The following MTHFD2L variants were observed in gnomAD, a reference collection of about 807,000 sequenced individuals.
MTHFD2L encodes methylenetetrahydrofolate dehydrogenase (NADP+ dependent) 2 like.
A neutral mutation model predicts 34.9 loss-of-function variants in MTHFD2L; 29 were observed. The ratio of observed to expected loss-of-function variants is 0.83; its 90% CI spans 0.62 to 1.13. The LOEUF (loss-of-function observed/expected upper bound fraction) is 1.13, where lower values mean the gene tolerates loss of function less well. MTHFD2L is among the 50% of genes most tolerant of loss of function. The pLI is 0.00. For synonymous variants in MTHFD2L, 167 were observed against 155.7 expected (o/e 1.07, Z -0.54); for missense variants, 481 against 446.5 (o/e 1.08, Z -0.70).
At chr4:74,247,380 CTGAGACAA>C (rs1374052725) in intron 6 of MTHFD2L, among the ~76,000 whole-genome samples, 5 of 151,362 alleles carry the variant, frequency 3.3e-5, no homozygotes, top group Non-Finnish European at 5.9e-5. Context: ...AGATTTTGGG[CTGAGACAA>C]TGGGGTTTTC....
At chr4:74,219,029 T>A (rs1404334454) in intron 5 of MTHFD2L, among the ~76,000 whole-genome samples, 1 of 152,064 alleles carries the variant, frequency 6.6e-6, no homozygotes, top group African/African-American at 2.4e-5. Flanking sequence ...GCATTTACAT[T>A]GTATTAGGTA....
chr4:74,302,186 A>G lies in MTHFD2L; in HGVS notation c.*377A>G, dbSNP rs1750403876. 6.4e-6 allele frequency: 1 copy of G among 156,640 alleles called. No individual in the cohort carries two copies. The highest frequency in any genetic ancestry group is 1.4e-5 in the Non-Finnish European group (1 of 71,074). 9.7% of individuals were successfully genotyped at this position (156,640 alleles called of 1,614,324 possible). On this transcript the variant is annotated 3_prime_UTR_variant, in exon 8 of 8. Coordinates refer to ENST00000325278, the MANE Select transcript of MTHFD2L (RefSeq NM_001144978.3). ...CAAATGGTTACCCATATAAAATGTA[A>G]TTTAGGTTTTGCTACTTGCATGCTA...
chr4:74,250,414 T>C (rs1319712561), intron 6 of MTHFD2L, among the ~76,000 whole-genome samples: 1 of 152,138 alleles, frequency 6.6e-6, no homozygotes, highest in Non-Finnish European at 1.5e-5. Flanking sequence ...ATGTATCTAT[T>C]TATTTGTATG....
chr4:74,283,716 T>C (rs777769211), intron 7 of MTHFD2L, among the ~76,000 whole-genome samples: 12 of 152,102 alleles, frequency 7.9e-5, no homozygotes, highest in Non-Finnish European at 1.5e-4. Context: ...AAGACACCCA[T>C]ATGATTAGTT....
At chr4:74,241,626 C>T (rs1410477179) in intron 6 of MTHFD2L, 6 of 437,914 alleles carry the variant, frequency 1.4e-5, no homozygotes, top group African/African-American at 1.0e-4. Context: ...GATCCACCTG[C>T]CTCAGCTTCC....
At chr4:74,265,690 G>A (rs1745201103) in intron 6 of MTHFD2L, among the ~76,000 whole-genome samples, 1 of 152,112 alleles carries the variant, frequency 6.6e-6, no homozygotes, top group African/African-American at 2.4e-5. Flanking sequence ...ACCTAGACAA[G>A]CACTTAAAAT....
intron 2 of MTHFD2L, among the ~76,000 whole-genome samples, chr4:74,115,016 A>T (rs1721634188): frequency 6.6e-6 from 1 of 152,188 alleles, no homozygotes; most frequent in Admixed American, 6.5e-5. Context: ...TTGGCCAGGC[A>T]GCTGCCCTTG....
chr4:74,205,538 G>C (rs1735146904), intron 5 of MTHFD2L, among the ~76,000 whole-genome samples: 1 of 152,150 alleles, frequency 6.6e-6, no homozygotes, highest in Non-Finnish European at 1.5e-5. Context: ...CCTATGGCTA[G>C]CTTTTAGTTT....
intron 7 of MTHFD2L, among the ~76,000 whole-genome samples, chr4:74,298,623 A>ACTG (rs967134606): frequency 3.7e-4 from 56 of 152,166 alleles, no homozygotes; most frequent in African/African-American, 1.3e-3. Flanking sequence ...AGCAACTCAG[A>ACTG]CTGCTAAGCC....
intron 1 of MTHFD2L, among the ~76,000 whole-genome samples, chr4:74,171,520 C>T (rs944465176): frequency 3.3e-5 from 5 of 152,102 alleles, no homozygotes; most frequent in African/African-American, 9.7e-5. Context: ...GAAATTAAAG[C>T]GGCCAGGAGT....
chr4:74,212,611 C>T (rs1220919219), intron 5 of MTHFD2L, among the ~76,000 whole-genome samples: 1 of 151,976 alleles, frequency 6.6e-6, no homozygotes, highest in African/African-American at 2.4e-5. Flanking sequence ...GTTTTACTTC[C>T]AATTATGTGC....
intron 7 of MTHFD2L, among the ~76,000 whole-genome samples, chr4:74,287,853 C>T (rs1336479425): frequency 6.6e-6 from 1 of 152,158 alleles, no homozygotes; most frequent in African/African-American, 2.4e-5. Context: ...TTCTCCTATC[C>T]CACTGTTTAT....
intron 1 of MTHFD2L, among the ~76,000 whole-genome samples, chr4:74,145,015 A>C (rs1723504662): frequency 6.6e-6 from 1 of 152,196 alleles, no homozygotes; most frequent in Non-Finnish European, 1.5e-5. Flanking sequence ...AGAGATTTAA[A>C]TAAGAAAGTC....
chr4:74,300,137 G>A (rs1440010470), intron 7 of MTHFD2L, among the ~76,000 whole-genome samples: 1 of 152,022 alleles, frequency 6.6e-6, no homozygotes, highest in African/African-American at 2.4e-5. Context: ...TGGAAAGGTT[G>A]TGCTTTCTGT....
At position 74,254,202 on chromosome 4, in the gene MTHFD2L, AC is replaced by A. The variant is rs1401109846; in HGVS notation, c.806-27219del. Among the ~76,000 whole-genome samples the A allele has an allele frequency of 5.3e-5, 8 of 152,360 alleles. No individual in the cohort carries two copies. In the East Asian group the frequency reaches 1.5e-3, roughly 29 times the overall value. On this transcript the variant is annotated intron_variant, in intron 6 of 7. Transcript: ENST00000325278. ...TATCAAGATCCATGAATCCCAAAGA[AC>A]CCCAAATAAATTAAACATAAATATT...
chr4:74,180,754 C>G (rs1310423624), intron 3 of MTHFD2L: 14 of 440,984 alleles, frequency 3.2e-5, no homozygotes, highest in Non-Finnish European at 4.2e-5. Context: ...TGCTCTTTGT[C>G]CAGTAGCTGA....
intron 2 of MTHFD2L, among the ~76,000 whole-genome samples, chr4:74,115,014 G>A (rs1346047866): frequency 6.6e-6 from 1 of 152,176 alleles, no homozygotes; most frequent in Non-Finnish European, 1.5e-5. Context: ...CCTTGGCCAG[G>A]CAGCTGCCCT....
chr4:74,223,224 G>T (rs1016172516), intron 5 of MTHFD2L, among the ~76,000 whole-genome samples: 2 of 151,624 alleles, frequency 1.3e-5, no homozygotes, highest in Non-Finnish European at 2.9e-5. Flanking sequence ...TGGTGTGTGT[G>T]TGTATATATA....
chr4:74,267,261 G>A (rs1208495916), intron 6 of MTHFD2L: 1 of 982,396 alleles, frequency 1.0e-6, no homozygotes, highest in African/African-American at 1.8e-5. Context: ...CTGTTTGCAG[G>A]AAATACATTT....
Sources: gnomAD v4.1 joint callset for allele counts (sites outside exome capture counted in the v4.1 genomes callset) on GRCh38, gnomAD v4.1.1 for gene constraint, MANE v1.5 for transcripts, NCBI Gene and HGNC (gene_info 2026-07-23, HGNC 2026-07-21) for gene names.